Variants in FER observed in about 807,000 individuals in gnomAD.
FER encodes FER tyrosine kinase.
In FER, 63 loss-of-function variants were observed where a neutral mutation model predicts 111.0. The observed-to-expected ratio is 0.57, with a 90% CI of 0.46 to 0.70. The LOEUF (loss-of-function observed/expected upper bound fraction) is 0.70, where lower values mean the gene tolerates loss of function less well. Among genes scored for constraint, FER ranks in the 30% least tolerant of loss-of-function variants. The probability of loss-of-function intolerance (pLI) is 0.00; values close to 1 mark genes in which losing one functional copy is unlikely to be tolerated. For missense variants in FER, 914 were observed against 954.0 expected, an observed-to-expected ratio of 0.96 and a Z score of 0.55; for synonymous variants, 327 against 313.9, an observed-to-expected ratio of 1.04 and a Z score of -0.44.
At chr5:109,161,242 T>C (rs1755959552) in intron 17 of FER, among the ~76,000 whole-genome samples, 1 of 152,100 alleles carries the variant, frequency 6.6e-6, no homozygotes. Context: ...AGATTTAAAA[T>C]TATGAGGCCA....
chr5:108,992,936 C>T (rs1194316304), intron 13 of FER, among the ~76,000 whole-genome samples: 21 of 142,256 alleles, frequency 1.5e-4, no homozygotes, highest in Middle Eastern at 4.4e-3. Flanking sequence ...ACATCTCCGA[C>T]GATGGGCGGC....
chr5:109,040,520 T>C (rs546447870), intron 14 of FER, among the ~76,000 whole-genome samples: 17 of 152,224 alleles, frequency 1.1e-4, no homozygotes, highest in African/African-American at 3.6e-4. Context: ...AGATGGGATT[T>C]AGCAATGAGA....
intron 17 of FER, among the ~76,000 whole-genome samples, chr5:109,125,757 C>A (rs1438423676): frequency 6.6e-6 from 1 of 152,154 alleles, no homozygotes; most frequent in Non-Finnish European, 1.5e-5. Context: ...ACCTGATATT[C>A]CCAAGTGTTT....
chr5:108,853,644 C>A (rs1169770336), intron 5 of FER, among the ~76,000 whole-genome samples: 1 of 152,092 alleles, frequency 6.6e-6, no homozygotes. Context: ...AAGATCAGTA[C>A]AGATACCTTT....
intron 13 of FER, among the ~76,000 whole-genome samples, chr5:109,020,837 T>C (rs1767824998): frequency 6.6e-6 from 1 of 152,034 alleles, no homozygotes; most frequent in Non-Finnish European, 1.5e-5. Context: ...ATTTTAATTA[T>C]TGAAGAACTG....
intron 5 of FER, among the ~76,000 whole-genome samples, chr5:108,836,303 T>C (rs1363272261): frequency 1.3e-5 from 2 of 152,112 alleles, no homozygotes; most frequent in Non-Finnish European, 2.9e-5. Flanking sequence ...GAGAAGCATA[T>C]TATTTATGTT....
chr5:109,167,433 T>C (rs1004186237), intron 17 of FER, among the ~76,000 whole-genome samples: 1 of 152,158 alleles, frequency 6.6e-6, no homozygotes, highest in Non-Finnish European at 1.5e-5. Flanking sequence ...CTTAGTAATG[T>C]TTCCTGATTC....
At chr5:108,868,195 A>G (rs1414398317) in intron 6 of FER, among the ~76,000 whole-genome samples, 2 of 152,120 alleles carry the variant, frequency 1.3e-5, no homozygotes, top group East Asian at 3.9e-4. Flanking sequence ...CCTTAGCTGG[A>G]AATTTAAATG....
intron 13 of FER, among the ~76,000 whole-genome samples, chr5:108,986,252 A>C (rs1020832604): frequency 6.8e-6 from 1 of 147,940 alleles, no homozygotes; most frequent in African/African-American, 2.5e-5. Context: ...AGAATTGTCT[A>C]TTCATGTCGT....
intron 17 of FER, among the ~76,000 whole-genome samples, chr5:109,172,959 T>G (rs1170907466): frequency 6.6e-6 from 1 of 152,212 alleles, no homozygotes; most frequent in Non-Finnish European, 1.5e-5. Context: ...AAAGGTCCAC[T>G]TGGGTTTTTC....
intron 17 of FER, 31 bp downstream of exon 17, chr5:109,100,550 GT>G (rs765889912): frequency 2.5e-6 from 4 of 1,582,844 alleles, no homozygotes; most frequent in Non-Finnish European, 3.4e-6. Context: ...GCAATTTTTG[GT>G]TTTATTAATA....
intron 5 of FER, among the ~76,000 whole-genome samples, chr5:108,866,918 A>G (rs1052932446): frequency 4.6e-5 from 7 of 152,198 alleles, no homozygotes; most frequent in African/African-American, 9.6e-5. Context: ...TAAAGGAACC[A>G]TAAAATGTTT....
At chr5:109,051,750 C>G in intron 16 of FER, 1 of 1,570,736 alleles carries the variant, frequency 6.4e-7, no homozygotes, top group Non-Finnish European at 8.8e-7. Context: ...TAACCCAATC[C>G]TTAACGCCCT....
intron 1 of FER, among the ~76,000 whole-genome samples, chr5:108,758,123 A>G (rs1197937747): frequency 6.6e-6 from 1 of 152,242 alleles, no homozygotes; most frequent in Non-Finnish European, 1.5e-5. Flanking sequence ...AAGCTGTTGC[A>G]GGAATGGGAC....
At chr5:108,865,062 G>A (rs1465730547) in intron 5 of FER, among the ~76,000 whole-genome samples, 1 of 152,152 alleles carries the variant, frequency 6.6e-6, no homozygotes, top group Non-Finnish European at 1.5e-5. Flanking sequence ...TCTCCTTGAA[G>A]AGGTCCTTCA....
intron 17 of FER, among the ~76,000 whole-genome samples, chr5:109,151,162 A>T (rs1310644384): frequency 6.6e-6 from 1 of 152,126 alleles, no homozygotes; most frequent in African/African-American, 2.4e-5. Context: ...CAGATTTTTT[A>T]AAAAATCACT....
At chr5:108,754,406 C>CAAAAAAAAAAAA (rs34475850) in intron 1 of FER, among the ~76,000 whole-genome samples, 1 of 86,536 alleles carries the variant, frequency 1.2e-5, no homozygotes, top group Admixed American at 1.4e-4. Flanking sequence ...GTCCCTGTCT[C>CAAAAAAAAAAAA]AAAAAAAAAA....
chr5:109,082,708 A>G (rs1777130342), intron 16 of FER, among the ~76,000 whole-genome samples: 1 of 151,992 alleles, frequency 6.6e-6, no homozygotes, highest in Non-Finnish European at 1.5e-5. Context: ...ATCAGATACT[A>G]CCAAAATAAT....
chr5:108,971,249 T>C, intron 13 of FER, among the ~76,000 whole-genome samples: 1 of 126,942 alleles, frequency 7.9e-6, no homozygotes, highest in African/African-American at 2.9e-5. Flanking sequence ...GAGGCTGAGA[T>C]GGAGGATCAC....
Sources: gnomAD v4.1 joint callset for allele counts (sites outside exome capture counted in the v4.1 genomes callset) on GRCh38, gnomAD v4.1.1 for gene constraint, MANE v1.5 for transcripts, NCBI Gene and HGNC (gene_info 2026-07-23, HGNC 2026-07-21) for gene names.